The following KIDINS220 variants were observed in gnomAD, a reference collection of about 807,000 sequenced individuals.
KIDINS220 encodes the protein kinase D interacting substrate 220, also known as kinase D-interacting substrate of 220 kDa.
Under a neutral mutation model 157.6 loss-of-function variants are expected in KIDINS220, and 63 were observed. The ratio of observed to expected loss-of-function variants is 0.40; its 90% CI spans 0.33 to 0.49. The LOEUF (loss-of-function observed/expected upper bound fraction) is 0.49, where lower values mean the gene tolerates loss of function less well. Ranked by LOEUF, KIDINS220 falls within the 20% of genes least tolerant of loss-of-function variation. The pLI, the probability that KIDINS220 is intolerant of heterozygous loss-of-function variation, is 0.66. For missense variants in KIDINS220, 1,772 were observed against 2,171.2 expected (o/e 0.82, Z 3.65); for synonymous variants, 732 against 783.6 (o/e 0.93, Z 1.10).
chr2:8,833,337 T>C (rs767251363), intron 1 of KIDINS220, among the ~76,000 whole-genome samples: 3 of 152,204 alleles, frequency 2.0e-5, no homozygotes, highest in Non-Finnish European at 4.4e-5. Context: ...TTTTACATAA[T>C]AACAGAATAT....
chr2:8,739,420 C>G (rs572514827), intron 26 of KIDINS220, among the ~76,000 whole-genome samples: 1 of 152,034 alleles, frequency 6.6e-6, no homozygotes, highest in Non-Finnish European at 1.5e-5. Context: ...TAATATGCTT[C>G]TTTGAATAAA....
downstream of KIDINS220, among the ~76,000 whole-genome samples, chr2:8,728,563 T>A (rs564687927): frequency 6.6e-6 from 1 of 152,222 alleles, no homozygotes; most frequent in Non-Finnish European, 1.5e-5. Context: ...GGTTTGTCAA[T>A]TTCGGTATCA....
chr2:8,762,873 A>C (rs1364858345), intron 22 of KIDINS220, among the ~76,000 whole-genome samples: 4 of 152,234 alleles, frequency 2.6e-5, no homozygotes, highest in African/African-American at 9.6e-5. Context: ...TTAAGTGCTA[A>C]ATATCAGAAG....
At chr2:8,734,080 G>C (rs544207199) in intron 28 of KIDINS220, among the ~76,000 whole-genome samples, 6 of 152,066 alleles carry the variant, frequency 3.9e-5, no homozygotes, top group African/African-American at 1.5e-4. Flanking sequence ...AGTCCAACTC[G>C]GAATAAGCAC....
intron 26 of KIDINS220, among the ~76,000 whole-genome samples, chr2:8,743,234 C>T (rs555603703): frequency 6.6e-6 from 1 of 152,136 alleles, no homozygotes; most frequent in East Asian, 1.9e-4. Context: ...GAAAACAAAC[C>T]GATTAACAAC....
chr2:8,798,369 C>T (rs1353143581), intron 9 of KIDINS220, 69 bp from the exon 10 acceptor site: 7 of 846,276 alleles, frequency 8.3e-6, no homozygotes, highest in Non-Finnish European at 1.4e-5. Flanking sequence ...CTTATAAATA[C>T]AAAACATTTC....
intron 6 of KIDINS220, among the ~76,000 whole-genome samples, chr2:8,811,150 A>G (rs1379154606): frequency 6.6e-6 from 1 of 152,226 alleles, no homozygotes; most frequent in Non-Finnish European, 1.5e-5. Context: ...CACAGAATCT[A>G]TTTCAATGAC....
chr2:8,806,361 G>C lies in KIDINS220; in HGVS notation c.513C>G (p.Thr171=), dbSNP rs369033896. ...TTCGTGCAGCCCAAACTAAAGGGGT[G>C]GTTCCATACTATTAAAACAAACAAT... ...AKVNCSDKYG[T]TPLVWAARKG... is the part of the protein sequence containing the mutation. Residue 171 remains threonine (T), a synonymous_variant, in exon 7 of 30, where the codon ACC becomes ACG. Transcript: ENST00000256707. The C allele has an allele frequency of 1.3e-6, 2 of 1,592,648 alleles. No homozygotes were observed. Among genetic ancestry groups the C allele is most frequent in the Non-Finnish European group, 1.7e-6 (2 of 1,169,524 alleles).
At chr2:8,804,198 T>C (rs1298834826) in intron 7 of KIDINS220, among the ~76,000 whole-genome samples, 1 of 152,208 alleles carries the variant, frequency 6.6e-6, no homozygotes, top group African/African-American at 2.4e-5. Flanking sequence ...AGTCAGCTCC[T>C]GCCAGTATGC....
At chr2:8,800,569 GTTAAT>G (rs1674554681) in intron 8 of KIDINS220, 71 bp from the exon 9 acceptor site, 1 of 1,035,026 alleles carries the variant, frequency 9.7e-7, no homozygotes, top group South Asian at 1.5e-5. Flanking sequence ...TTAAGTTACA[GTTAAT>G]CATGTTTTCA....
At chr2:8,798,407 T>A in intron 9 of KIDINS220, 107 bp from the exon 10 acceptor site, 1 of 659,282 alleles carries the variant, frequency 1.5e-6, no homozygotes, top group Non-Finnish European at 2.7e-6. Context: ...ACAGGCAGCA[T>A]GGTAGGAAAT....
At position 8,730,470 on chromosome 2, in the gene KIDINS220, C is replaced by A; in HGVS notation, c.*250G>T. 7.6e-7 allele frequency: 1 copy of A among 1,307,310 alleles called. No individual in the cohort carries two copies. The allele number at this position is 1,307,310 out of a possible 1,614,324, so 81.0% of individuals were successfully genotyped here. A position where few individuals can be genotyped will look rare whatever the true frequency, so the allele number is the denominator to read the frequency against. On this transcript the variant is annotated 3_prime_UTR_variant, in exon 30 of 30. Transcript: ENST00000256707. ...TCAAAAAGTTTTATGGGGTAATGCG[C>A]CAATGAAAGGTACAGTAGTATTAGT...
At chr2:8,800,283 T>G (rs1421639549) in intron 9 of KIDINS220, 117 bp downstream of exon 9, 1 of 575,598 alleles carries the variant, frequency 1.7e-6, no homozygotes, top group East Asian at 2.8e-5. Context: ...GTCTGTTAAA[T>G]GTACTAGGGT....
intron 1 of KIDINS220, among the ~76,000 whole-genome samples, chr2:8,831,899 T>G (rs1034913160): frequency 7.2e-5 from 11 of 152,186 alleles, no homozygotes; most frequent in Non-Finnish European, 1.3e-4. Flanking sequence ...TATCTGAACA[T>G]AGACAAAAAC....
intron 20 of KIDINS220, among the ~76,000 whole-genome samples, chr2:8,777,890 T>C (rs1436682396): frequency 6.6e-6 from 1 of 152,200 alleles, no homozygotes; most frequent in Non-Finnish European, 1.5e-5. Flanking sequence ...TCATATTAAC[T>C]TTGCATCCAT....
chr2:8,830,550 T>C (rs1679465467), intron 1 of KIDINS220, among the ~76,000 whole-genome samples: 1 of 152,156 alleles, frequency 6.6e-6, no homozygotes, highest in South Asian at 2.1e-4. Flanking sequence ...TCCTGAGTAG[T>C]TGGGACTACA....
chr2:8,825,061 T>C (rs575983501), intron 2 of KIDINS220, among the ~76,000 whole-genome samples: 2 of 152,162 alleles, frequency 1.3e-5, no homozygotes, highest in South Asian at 2.1e-4. Flanking sequence ...AGACAGAATT[T>C]TGATTTTGCA....
At position 8,803,036 on chromosome 2, in the gene KIDINS220, G is replaced by C; in HGVS notation, c.695C>G (p.Thr232Arg). ...ILKRNPNVNL[T>R]DKDGNTALMI... ...CAAAGCTGTATTTCCATCTTTATCTGTTAAGTTTACATTTGGATTCCTCTT... is the reference window on the plus strand; with the variant it reads ...CAAAGCTGTATTTCCATCTTTATCTCTTAAGTTTACATTTGGATTCCTCTT... Residue 232 changes from threonine to arginine, a missense_variant, in exon 8 of 30, where the codon ACA becomes AGA. Physicochemically the swap from Thr to Arg is moderately conservative, Grantham distance 71. Coordinates refer to ENST00000256707, the MANE Select transcript of KIDINS220 (RefSeq NM_020738.4). 1 of 1,613,434 alleles carries C rather than the reference G, an allele frequency of 6.2e-7. No individual in the cohort carries two copies. The highest frequency in any genetic ancestry group is 8.5e-7 in the Non-Finnish European group (1 of 1,179,864).
At chr2:8,765,552 C>A (rs982621059) in intron 22 of KIDINS220, among the ~76,000 whole-genome samples, 6 of 152,126 alleles carry the variant, frequency 3.9e-5, no homozygotes, top group Non-Finnish European at 8.8e-5. Flanking sequence ...AGGGGAGACA[C>A]AAAGGGAAAT....
Sources: gnomAD v4.1 joint callset for allele counts (sites outside exome capture counted in the v4.1 genomes callset) on GRCh38, gnomAD v4.1.1 for gene constraint, MANE v1.5 for transcripts, NCBI Gene and HGNC (gene_info 2026-07-23, HGNC 2026-07-21) for gene names.